FBN1: variants seen among roughly 807,000 people sequenced by gnomAD.
FBN1 encodes fibrillin 1, also known as fibrillin-1.
FBN1 carries 29 observed loss-of-function variants against 365.1 expected under a neutral mutation model. The observed-to-expected ratio is 0.08, with a 90% confidence interval of 0.06 to 0.11. FBN1 has a LOEUF of 0.11. Ranked by LOEUF, FBN1 falls within the 10% of genes least tolerant of loss-of-function variation. FBN1 has a pLI of 1.00. For missense variants in FBN1, 2,476 were observed against 3,703.2 expected, an observed-to-expected ratio of 0.67 and a Z score of 8.60; for synonymous variants, 1,210 against 1,270.5, an observed-to-expected ratio of 0.95 and a Z score of 1.01.
At chr15:48,564,446 G>A (rs1160989813) in intron 6 of FBN1, among the ~76,000 whole-genome samples, 1 of 151,994 alleles carries the variant, frequency 6.6e-6, no homozygotes, top group Non-Finnish European at 1.5e-5. Flanking sequence ...ACTTTGGGGA[G>A]AATTAAGTTG....
intron 10 of FBN1, among the ~76,000 whole-genome samples, chr15:48,518,596 C>T (rs1332230539): frequency 3.9e-5 from 6 of 152,192 alleles, no homozygotes; most frequent in African/African-American, 1.4e-4. Context: ...GAAACTGTAT[C>T]AGACTGAATC....
chr15:48,638,725 A>G (rs1479147525), intron 2 of FBN1, among the ~76,000 whole-genome samples: 1 of 152,016 alleles, frequency 6.6e-6, no homozygotes, highest in Non-Finnish European at 1.5e-5. Context: ...TAAATAACTC[A>G]TATGACTGGT....
At chr15:48,629,258 T>G (rs1478658183) in intron 2 of FBN1, among the ~76,000 whole-genome samples, 1 of 152,228 alleles carries the variant, frequency 6.6e-6, no homozygotes, top group African/African-American at 2.4e-5. Flanking sequence ...CATCTCATCA[T>G]GGACCAGTAA....
intron 8 of FBN1, among the ~76,000 whole-genome samples, chr15:48,526,508 T>C (rs537003706): frequency 6.6e-6 from 1 of 152,364 alleles, no homozygotes; most frequent in South Asian, 2.1e-4. Context: ...AATCTAAACC[T>C]GTGTACTGTT....
chr15:48,484,045 C>T (rs1220769206), intron 30 of FBN1, 102 bp from the exon 31 acceptor site: 2 of 1,169,454 alleles, frequency 1.7e-6, no homozygotes, highest in South Asian at 1.3e-5. Flanking sequence ...AGCCTACTAG[C>T]ATAAGACTAT....
At chr15:48,503,745 A>T in intron 17 of FBN1, 42 bp downstream of exon 17, 1 of 1,612,344 alleles carries the variant, frequency 6.2e-7, no homozygotes, top group Non-Finnish European at 8.5e-7. Context: ...CAATGGTGGC[A>T]GAAGGCTGGC....
At chr15:48,560,397 G>A (rs1253064077) in intron 6 of FBN1, among the ~76,000 whole-genome samples, 1 of 152,120 alleles carries the variant, frequency 6.6e-6, no homozygotes, top group Admixed American at 6.5e-5. Flanking sequence ...CAGAGGATGT[G>A]GTAAGGATTA....
intron 12 of FBN1, 103 bp from the exon 13 acceptor site, chr15:48,513,771 G>T: frequency 1.5e-6 from 2 of 1,304,562 alleles, no homozygotes; most frequent in Non-Finnish European, 2.2e-6. Flanking sequence ...TTCCTTTTGA[G>T]AAATAAATAA....
At chr15:48,584,549 C>A (rs2044421293) in intron 6 of FBN1, among the ~76,000 whole-genome samples, 1 of 152,164 alleles carries the variant, frequency 6.6e-6, no homozygotes, top group Non-Finnish European at 1.5e-5. Context: ...GCCATGAGAA[C>A]AGGAAAGTCC....
chr15:48,428,544 CTTCG>C lies in FBN1; in HGVS notation c.6872-77_6872-74del, dbSNP rs773845385. ...ATTTTATAGAGGATGGAGCTCCTTC[CTTCG>C]TTCCTTCCTTCCTCCCTCCCTCCTT... On this transcript the variant is annotated intron_variant, in intron 56 of 65. Coordinates refer to ENST00000316623, the MANE Select transcript of FBN1 (RefSeq NM_000138.5). The C allele has an allele frequency of 1.3e-5, 20 of 1,544,432 alleles. 1 individual carries two copies. The East Asian group carries it at 1.6e-4, about 12-fold the overall frequency.
At position 48,489,835 on chromosome 15, in the gene FBN1, AAACGT is replaced by A. The variant is rs1566910227; in HGVS notation, c.3082+11_3082+15del. The A allele has an allele frequency of 6.2e-7, 1 of 1,610,460 alleles. No homozygotes were observed. The highest frequency in any genetic ancestry group is 2.2e-5 in the East Asian group (1 of 44,862). ...AAAAAGGGAGGCAATTGGCCATGGA[AAACGT>A]AACATTGTACCTTTGAAGAAAGGCT... On this transcript the variant is annotated intron_variant, in intron 25 of 65. Coordinates refer to ENST00000316623, the MANE Select transcript of FBN1 (RefSeq NM_000138.5).
chr15:48,549,464 TTTGG>T (rs1415573846), intron 6 of FBN1, among the ~76,000 whole-genome samples: 2 of 152,104 alleles, frequency 1.3e-5, no homozygotes, highest in Non-Finnish European at 2.9e-5. Context: ...GGAGAGAGCA[TTTGG>T]TTTTTGCTTC....
chr15:48,434,760 T>G, intron 53 of FBN1, 47 bp from the exon 54 acceptor site: 1 of 1,602,810 alleles, frequency 6.2e-7, no homozygotes, highest in Non-Finnish European at 8.5e-7. Context: ...ATTGAGATAA[T>G]ACCTTTTATT....
At chr15:48,451,600 C>G (rs2043202094) in intron 45 of FBN1, among the ~76,000 whole-genome samples, 1 of 152,184 alleles carries the variant, frequency 6.6e-6, no homozygotes, top group African/African-American at 2.4e-5. Flanking sequence ...CAAGGAAAAT[C>G]TGACCACGTT....
At chr15:48,511,637 C>T (rs2043759828) in intron 13 of FBN1, among the ~76,000 whole-genome samples, 1 of 152,196 alleles carries the variant, frequency 6.6e-6, no homozygotes, top group African/African-American at 2.4e-5. Flanking sequence ...TCACTTACTT[C>T]CCAGTTATGT....
chr15:48,512,127 A>G (rs1477692573), intron 13 of FBN1, among the ~76,000 whole-genome samples: 1 of 152,164 alleles, frequency 6.6e-6, no homozygotes, highest in Non-Finnish European at 1.5e-5. Flanking sequence ...TATGTAGTGC[A>G]CTAAAATACA....
At chr15:48,617,176 G>C (rs967305226) in intron 2 of FBN1, among the ~76,000 whole-genome samples, 1 of 150,740 alleles carries the variant, frequency 6.6e-6, no homozygotes, top group Non-Finnish European at 1.5e-5. Flanking sequence ...GTTTTTTTTT[G>C]CTTTTTTGTT....
chr15:48,515,246 G>T, intron 12 of FBN1, 141 bp downstream of exon 12: 1 of 882,472 alleles, frequency 1.1e-6, no homozygotes, highest in Non-Finnish European at 1.8e-6. Context: ...CTAACCTACA[G>T]AGCTGAAAGA....
chr15:48,592,248 T>C (rs1392791340), intron 6 of FBN1, among the ~76,000 whole-genome samples: 2 of 152,120 alleles, frequency 1.3e-5, no homozygotes, highest in African/African-American at 4.8e-5. Flanking sequence ...CCTAAGCCTA[T>C]TCATCATCAC....
Sources: gnomAD v4.1 joint callset for allele counts (sites outside exome capture counted in the v4.1 genomes callset) on GRCh38, gnomAD v4.1.1 for gene constraint, MANE v1.5 for transcripts, NCBI Gene and HGNC (gene_info 2026-07-23, HGNC 2026-07-21) for gene names.